EML6: variants seen among roughly 807,000 people sequenced by gnomAD.
The protein encoded by EML6 is echinoderm microtubule-associated protein-like 6.
A neutral mutation model predicts 240.1 loss-of-function variants in EML6; 154 were observed. The observed-to-expected ratio is 0.64, with a 90% CI of 0.56 to 0.73. The LOEUF (loss-of-function observed/expected upper bound fraction) is 0.73, where lower values mean the gene tolerates loss of function less well. EML6 is among the 30% of genes least tolerant of loss of function. EML6 has a pLI of 0.00. For synonymous variants in EML6, 1,148 were observed against 899.0 expected (o/e 1.28, Z -4.95); for missense variants, 2,964 against 2,474.6 (o/e 1.20, Z -4.20).
At chr2:54,824,019 C>G (rs988462876) in intron 5 of EML6, among the ~76,000 whole-genome samples, 3 of 152,034 alleles carry the variant, frequency 2.0e-5, no homozygotes, top group Non-Finnish European at 4.4e-5. Context: ...AATGATGGCA[C>G]AGGTGAGATT....
At chr2:54,852,981 G>T (rs1670171930) in intron 10 of EML6, among the ~76,000 whole-genome samples, 1 of 152,008 alleles carries the variant, frequency 6.6e-6, no homozygotes, top group Non-Finnish European at 1.5e-5. Context: ...ACAACGGTCG[G>T]GATTATTTTC....
At chr2:54,739,449 T>C (rs1683536483) in intron 2 of EML6, among the ~76,000 whole-genome samples, 1 of 152,218 alleles carries the variant, frequency 6.6e-6, no homozygotes, top group Admixed American at 6.5e-5. Flanking sequence ...TAATCTAAGT[T>C]CATCAACCTC....
chr2:54,723,634 A>G (rs1433321888), upstream of EML6: 1 of 152,170 alleles, frequency 6.6e-6, no homozygotes, highest in African/African-American at 2.4e-5. Context: ...CCCCGGCTGG[A>G]GGAAGAACCT....
At chr2:54,939,085 A>G (rs1034125327) in intron 28 of EML6, among the ~76,000 whole-genome samples, 1 of 152,236 alleles carries the variant, frequency 6.6e-6, no homozygotes, top group Non-Finnish European at 1.5e-5. Context: ...GAATAAATGG[A>G]TTCCTTAACA....
chr2:54,898,801 G>A (rs1407505734), intron 21 of EML6, among the ~76,000 whole-genome samples: 1 of 152,082 alleles, frequency 6.6e-6, no homozygotes, highest in Non-Finnish European at 1.5e-5. Flanking sequence ...CAGTTAATCT[G>A]GTCTGTTTTA....
intron 2 of EML6, among the ~76,000 whole-genome samples, chr2:54,738,864 T>C (rs1178098498): frequency 6.6e-6 from 1 of 152,212 alleles, no homozygotes; most frequent in Non-Finnish European, 1.5e-5. Context: ...AGTGAACATA[T>C]ATGCAGTTCC....
rs561494154 is a variant in EML6, at chr2:54,895,299, A to G, written c.2881A>G (p.Ile961Val). 4.3e-5 allele frequency: 67 copies of G among 1,551,812 alleles called. No homozygotes were observed. The highest frequency in any genetic ancestry group is 2.6e-4 in the African/African-American group (19 of 73,156). Residue 961 changes from isoleucine (I) to valine (V), a missense_variant, in exon 21 of 42, where the codon ATT becomes GTT. Ile to Val is a conservative substitution (Grantham distance 29). Coordinates refer to ENST00000356458, the MANE Select transcript of EML6 (RefSeq NM_001039753.4). ...CTTGCTTTTGGAAGATAACCCTTCA[A>G]TTCGTGCCATCACTTTGGGACATGG... is the stretch of plus-strand genomic sequence containing the variant. The part of the protein sequence containing the change: ...KGLLLEDNPS[I>V]RAITLGHGHI...
rs1558659918 is a variant in EML6, at chr2:54,894,898, CAT to C, written c.2743-16_2743-15del. 2.0e-6 allele frequency: 3 copies of C among 1,524,890 alleles called. No individual in the cohort carries two copies. The highest frequency in any genetic ancestry group is 1.2e-5 in the South Asian group (1 of 83,426). The allele number at this position is 1,524,890 out of a possible 1,614,324, so 94.5% of individuals were successfully genotyped here. ...ATTTTGATGTGTATATAATACCTCT[CAT>C]GTGTGCCTTCACAGGGCTTTGTAAC... is the stretch of plus-strand genomic sequence containing the variant. On this transcript the variant is annotated splice_polypyrimidine_tract_variant and intron_variant, in intron 19 of 41. Coordinates refer to ENST00000356458, the MANE Select transcript of EML6 (RefSeq NM_001039753.4).
At chr2:54,871,376 C>A in intron 15 of EML6, 124 bp from the exon 16 acceptor site, 1 of 700,878 alleles carries the variant, frequency 1.4e-6, no homozygotes. Context: ...CAGATGATTT[C>A]CTAGGGTCCT....
chr2:54,961,186 T>TGTTTTTTTTTTTTTG (rs796179489), intron 35 of EML6, among the ~76,000 whole-genome samples: 4 of 93,164 alleles, frequency 4.3e-5, no homozygotes, highest in South Asian at 3.9e-4. Context: ...AGGAAGTAGT[T>TGTTTTTTTTTTTTTG]TTTTTTTTTT....
At chr2:54,837,178 G>A (rs184581562) in intron 7 of EML6, among the ~76,000 whole-genome samples, 81 of 152,268 alleles carry the variant, frequency 5.3e-4, no homozygotes, top group Non-Finnish European at 2.9e-5. Flanking sequence ...ACAGGAGACA[G>A]CCACAACCTT....
chr2:54,942,184 A>G (rs1396249586), intron 28 of EML6, among the ~76,000 whole-genome samples: 1 of 152,184 alleles, frequency 6.6e-6, no homozygotes, highest in Non-Finnish European at 1.5e-5. Context: ...TTCACTTTTG[A>G]TGACAAAGAG....
At chr2:54,814,763 A>G (rs1469679309) in intron 3 of EML6, among the ~76,000 whole-genome samples, 1 of 152,226 alleles carries the variant, frequency 6.6e-6, no homozygotes, top group African/African-American at 2.4e-5. Context: ...TGCTATTTTA[A>G]GAGAGCATCG....
chr2:54,795,967 A>G (rs1250401059), intron 2 of EML6, among the ~76,000 whole-genome samples: 1 of 152,192 alleles, frequency 6.6e-6, no homozygotes, highest in Non-Finnish European at 1.5e-5. Flanking sequence ...GTTGGCATTA[A>G]AAATCCAGCA....
intron 12 of EML6, among the ~76,000 whole-genome samples, chr2:54,862,468 G>C (rs1670730707): frequency 6.7e-6 from 1 of 149,862 alleles, no homozygotes; most frequent in South Asian, 2.1e-4. Context: ...TGGAAAGACA[G>C]ATTACTGGGA....
intron 15 of EML6, among the ~76,000 whole-genome samples, chr2:54,871,157 T>G (rs1487290352): frequency 6.6e-6 from 1 of 152,174 alleles, no homozygotes; most frequent in Non-Finnish European, 1.5e-5. Context: ...CTTCCCTGAC[T>G]GAGAAGCAGA....
At chr2:54,889,926 A>T (rs1156251771) in intron 17 of EML6, among the ~76,000 whole-genome samples, 1 of 152,250 alleles carries the variant, frequency 6.6e-6, no homozygotes, top group African/African-American at 2.4e-5. Flanking sequence ...TAAAGAAAAG[A>T]TAATGACACA....
chr2:54,930,089 A>G (rs530698897), intron 28 of EML6, among the ~76,000 whole-genome samples: 34 of 149,064 alleles, frequency 2.3e-4, no homozygotes, highest in South Asian at 1.7e-3. Context: ...ATTCCTTTGG[A>G]AAAAAAAAAA....
At chr2:54,854,060 G>T (rs1021964797) in intron 11 of EML6, among the ~76,000 whole-genome samples, 2 of 152,130 alleles carry the variant, frequency 1.3e-5, no homozygotes, top group Non-Finnish European at 2.9e-5. Flanking sequence ...GCAAATTTAA[G>T]AAAGAATTTG....
Sources: allele counts gnomAD v4.1 joint callset (sites outside exome capture counted in the v4.1 genomes callset), GRCh38; gene constraint gnomAD v4.1.1; transcripts MANE v1.5; gene names NCBI Gene and HGNC (gene_info 2026-07-23, HGNC 2026-07-21).